Variants in RCAN2 observed in about 807,000 individuals in gnomAD.
The protein encoded by RCAN2 is calcipressin-2.
In RCAN2, 9 loss-of-function variants were observed where a neutral mutation model predicts 23.6. The observed-to-expected ratio is 0.38, with a 90% CI of 0.23 to 0.67. The LOEUF is 0.67. RCAN2 is among the 30% of genes least tolerant of loss of function. The probability of loss-of-function intolerance (pLI) is 0.51; values close to 1 mark genes in which losing one functional copy is unlikely to be tolerated. For synonymous variants in RCAN2, 109 were observed against 115.7 expected, an observed-to-expected ratio of 0.94 and a Z score of 0.37; for missense variants, 273 against 302.3, an observed-to-expected ratio of 0.90 and a Z score of 0.72.
rs373850277 is a variant in RCAN2, at chr6:46,347,031, A to G, written c.226-98135T>C. On this transcript the variant is annotated intron_variant, in intron 2 of 4. Transcript: ENST00000371374. ...GCTGGGACTACAGGCACCCGCCACC[A>G]CGCCTGGCTAATTTTTTGTATTTTT... Among the ~76,000 whole-genome samples, 921 of 151,976 alleles carry G rather than the reference A, an allele frequency of 6.1e-3. 7 individuals are homozygous for G. Among genetic ancestry groups the G allele is most frequent in the South Asian group, 0.013 (61 of 4,808 alleles).
intron 2 of RCAN2, among the ~76,000 whole-genome samples, chr6:46,413,522 C>T (rs1435738044): frequency 2.6e-5 from 4 of 152,134 alleles, no homozygotes; most frequent in African/African-American, 7.2e-5. Context: ...GATGGAACAA[C>T]AGTATAAATG....
intron 2 of RCAN2, among the ~76,000 whole-genome samples, chr6:46,277,341 A>C (rs564760402): frequency 6.6e-6 from 1 of 152,218 alleles, no homozygotes; most frequent in East Asian, 1.9e-4. Flanking sequence ...ATAGGAGGAG[A>C]AATGGCTTTT....
At chr6:46,310,297 A>G (rs1473608361) in intron 2 of RCAN2, among the ~76,000 whole-genome samples, 1 of 152,154 alleles carries the variant, frequency 6.6e-6, no homozygotes, top group Non-Finnish European at 1.5e-5. Context: ...GGGAAGTTGA[A>G]GCATTCAGAT....
rs1581997083 is a variant in RCAN2, at chr6:46,221,847, C to A, written c.*1294G>T. On this transcript the variant is annotated 3_prime_UTR_variant, in exon 5 of 5. Transcript: ENST00000371374. ...GCACACATAGCAGAAGGTAATGGTT[C>A]TATAGGTGTATCTTCTGTAATGCAC... is the stretch of plus-strand genomic sequence containing the variant. 2.5e-5 allele frequency: 10 copies of A among 398,182 alleles called. No individual in the cohort carries two copies. The East Asian group carries it at 3.6e-4, about 14-fold the overall frequency. The allele number at this position is 398,182 out of a possible 1,614,324, so 24.7% of individuals were successfully genotyped here.
rs570553943 is a variant in RCAN2, at chr6:46,424,075, C to T, written c.225+32677G>A. Among the ~76,000 whole-genome samples, 7 of 152,274 alleles carry T rather than the reference C, an allele frequency of 4.6e-5. No individual in the cohort carries two copies. The South Asian group carries it at 1.5e-3, about 32-fold the overall frequency. On this transcript the variant is annotated intron_variant, in intron 2 of 4. Transcript: ENST00000371374. ...AGCCCTGCCTCTGACTCCACTGAAA[C>T]CTGGTTCATCCCTTTTACTTACAAG...
At chr6:46,256,216 A>G (rs1766910204) in intron 2 of RCAN2, among the ~76,000 whole-genome samples, 1 of 151,948 alleles carries the variant, frequency 6.6e-6, no homozygotes, top group Non-Finnish European at 1.5e-5. Flanking sequence ...CTAAAAATAT[A>G]AAAATTAGCT....
chr6:46,294,703 C>T (rs1762664140), intron 2 of RCAN2, among the ~76,000 whole-genome samples: 1 of 151,924 alleles, frequency 6.6e-6, no homozygotes, highest in Admixed American at 6.6e-5. Context: ...GAGCATGATC[C>T]CAATGATGAT....
rs1245293305 is a variant in RCAN2, at chr6:46,221,128, A to G, written c.*2013T>C. 1 of 152,382 alleles carries G rather than the reference A, an allele frequency of 6.6e-6. No individual in the cohort carries two copies. Among genetic ancestry groups the G allele is most frequent in the African/African-American group, 2.4e-5 (1 of 41,448 alleles). The allele number at this position is 152,382 out of a possible 1,614,324, so 9.4% of individuals were successfully genotyped here. Reference sequence around the variant, plus strand: ...TTGTGTTTCTTTTATGACTACACAGAATGGTCATTTCAACTTTTACTAAGT... The same window carrying G: ...TTGTGTTTCTTTTATGACTACACAGGATGGTCATTTCAACTTTTACTAAGT... On this transcript the variant is annotated 3_prime_UTR_variant, in exon 5 of 5. Coordinates refer to ENST00000371374, the MANE Select transcript of RCAN2 (RefSeq NM_001251974.2).
chr6:46,383,241 G>A (rs2150394469), intron 2 of RCAN2, among the ~76,000 whole-genome samples: 1 of 149,076 alleles, frequency 6.7e-6, no homozygotes, highest in African/African-American at 2.4e-5. Flanking sequence ...AACCAGAGAA[G>A]GCTTAGTGGA....
intron 2 of RCAN2, among the ~76,000 whole-genome samples, chr6:46,424,939 A>C (rs1012647257): frequency 1.3e-5 from 2 of 152,222 alleles, no homozygotes; most frequent in Non-Finnish European, 2.9e-5. Flanking sequence ...TGAACAAAGC[A>C]GTCAAAAAGC....
At chr6:46,443,140 G>A (rs916077574) in intron 2 of RCAN2, among the ~76,000 whole-genome samples, 1 of 152,044 alleles carries the variant, frequency 6.6e-6, no homozygotes, top group South Asian at 2.1e-4. Context: ...TACCTATAAG[G>A]AATGAACAAC....
intron 2 of RCAN2, among the ~76,000 whole-genome samples, chr6:46,314,907 A>G (rs1021979593): frequency 1.3e-5 from 2 of 152,182 alleles, no homozygotes; most frequent in African/African-American, 4.8e-5. Context: ...CAAAAAATAC[A>G]AAAGTTAGCT....
At chr6:46,257,646 C>A (rs1049675365) in intron 2 of RCAN2, among the ~76,000 whole-genome samples, 3 of 152,086 alleles carry the variant, frequency 2.0e-5, no homozygotes, top group Non-Finnish European at 4.4e-5. Flanking sequence ...CCCCATGATC[C>A]AATCACTTCC....
chr6:46,328,796 A>C (rs1171874614), intron 2 of RCAN2, among the ~76,000 whole-genome samples: 3 of 152,172 alleles, frequency 2.0e-5, no homozygotes, highest in Non-Finnish European at 4.4e-5. Flanking sequence ...TTTTTAGAAG[A>C]GATGGGGTTT....
In RCAN2 at chr6:46,447,907, A is replaced by G. The variant is rs567637407; in HGVS notation, c.225+8845T>C. On this transcript the variant is annotated intron_variant, in intron 2 of 4. Transcript: ENST00000371374. ...ACATCAAAAAAGAAGATTTCAAACA[A>G]AAAACATAACATCATACCACAAGGA... 2.6e-5 allele frequency among the ~76,000 whole-genome samples: 4 copies of G among 151,896 alleles called. No homozygotes were observed. In the East Asian group the frequency reaches 7.7e-4, roughly 29 times the overall value.
chr6:46,334,040 T>A (rs531689059), intron 2 of RCAN2, among the ~76,000 whole-genome samples: 16 of 152,368 alleles, frequency 1.1e-4, no homozygotes, highest in African/African-American at 3.8e-4. Context: ...CCTTTGCGCT[T>A]GGCCATCCCT....
At chr6:46,369,813 T>C (rs545133035) in intron 2 of RCAN2, among the ~76,000 whole-genome samples, 1 of 152,340 alleles carries the variant, frequency 6.6e-6, no homozygotes, top group South Asian at 2.1e-4. Context: ...ACTATGAATC[T>C]TTTATTTCCT....
intron 1 of RCAN2, among the ~76,000 whole-genome samples, chr6:46,461,776 G>C (rs1042486568): frequency 2.0e-5 from 3 of 152,060 alleles, no homozygotes; most frequent in Admixed American, 6.6e-5. Flanking sequence ...AGTAGAGACG[G>C]AGTTTTTCCA....
chr6:46,421,708 T>C (rs1377359298), intron 2 of RCAN2, among the ~76,000 whole-genome samples: 1 of 152,154 alleles, frequency 6.6e-6, no homozygotes, highest in Non-Finnish European at 1.5e-5. Context: ...GCATGTTATA[T>C]TGGGTTGGCA....
Sources: allele counts gnomAD v4.1 joint callset (sites outside exome capture counted in the v4.1 genomes callset), GRCh38; gene constraint gnomAD v4.1.1; transcripts MANE v1.5; gene names NCBI Gene and HGNC (gene_info 2026-07-23, HGNC 2026-07-21).